CSMD1: variants seen among roughly 807,000 people sequenced by gnomAD.
The protein encoded by CSMD1 is CUB and sushi domain-containing protein 1.
A neutral mutation model predicts 417.5 loss-of-function variants in CSMD1; 213 were observed. That is an observed-to-expected ratio of 0.51 (90% confidence interval 0.46 to 0.57). The LOEUF is 0.57. Ranked by LOEUF, CSMD1 falls within the 20% of genes least tolerant of loss-of-function variation. The pLI is 0.00. For synonymous variants in CSMD1, 2,862 were observed against 1,736.8 expected, an observed-to-expected ratio of 1.65 and a Z score of -16.11; for missense variants, 6,923 against 4,529.7, an observed-to-expected ratio of 1.53 and a Z score of -15.17.
chr8:3,816,407 T>G (rs1462192718), intron 5 of CSMD1, among the ~76,000 whole-genome samples: 1 of 152,182 alleles, frequency 6.6e-6, no homozygotes, highest in Admixed American at 6.5e-5. Flanking sequence ...GCAGACCACA[T>G]TCACATAACT....
At chr8:3,492,352 A>G (rs1232323328) in intron 11 of CSMD1, among the ~76,000 whole-genome samples, 2 of 152,068 alleles carry the variant, frequency 1.3e-5, no homozygotes, top group Non-Finnish European at 2.9e-5. Context: ...CATAGGGCAG[A>G]CCAGCTCATC....
At chr8:4,532,227 C>A (rs1397606486) in intron 2 of CSMD1, among the ~76,000 whole-genome samples, 3 of 151,228 alleles carry the variant, frequency 2.0e-5, no homozygotes, top group African/African-American at 4.9e-5. Flanking sequence ...CATTCACAGT[C>A]ACTCCGGAAG....
intron 1 of CSMD1, among the ~76,000 whole-genome samples, chr8:4,748,394 C>T (rs74735063): frequency 6.6e-6 from 1 of 152,156 alleles, no homozygotes; most frequent in African/African-American, 2.4e-5. Flanking sequence ...CTTTTTAAAT[C>T]TGAAACTAAG....
At chr8:3,494,128 T>G (rs916034932) in intron 10 of CSMD1, among the ~76,000 whole-genome samples, 1 of 152,240 alleles carries the variant, frequency 6.6e-6, no homozygotes, top group Middle Eastern at 3.2e-3. Flanking sequence ...TAAATATTTT[T>G]AAAGTTCTAT....
intron 23 of CSMD1, among the ~76,000 whole-genome samples, chr8:3,320,265 C>T (rs1385446630): frequency 6.6e-6 from 1 of 152,154 alleles, no homozygotes. Flanking sequence ...AAATGGGAGA[C>T]AACTGAGTTC....
intron 18 of CSMD1, among the ~76,000 whole-genome samples, chr8:3,386,188 CA>C (rs34558325): frequency 6.6e-6 from 1 of 152,274 alleles, no homozygotes; most frequent in South Asian, 2.1e-4. Flanking sequence ...CTCATCTGCA[CA>C]AAAAAGGAAC....
intron 39 of CSMD1, among the ~76,000 whole-genome samples, chr8:3,155,359 A>ATTTTGTTTTTTTTTTTTTTTTTTTTTT (rs1819453861): frequency 2.3e-5 from 1 of 43,316 alleles, no homozygotes; most frequent in Non-Finnish European, 4.7e-5. Context: ...CAAGGCTGGG[A>ATTTTGTTTTTTTTTTTTTTTTTTTTTT]TTTTTTTTTT....
intron 1 of CSMD1, among the ~76,000 whole-genome samples, chr8:4,728,392 G>C (rs1298523239): frequency 5.9e-5 from 9 of 151,932 alleles, no homozygotes; most frequent in Admixed American, 5.9e-4. Context: ...GTATTTAGGG[G>C]AGTTTAGTTT....
intron 1 of CSMD1, among the ~76,000 whole-genome samples, chr8:4,663,262 C>T (rs576844930): frequency 1.8e-4 from 28 of 152,290 alleles, no homozygotes; most frequent in African/African-American, 6.3e-4. Flanking sequence ...CCTGTATATA[C>T]ACGATAACAC....
intron 8 of CSMD1, among the ~76,000 whole-genome samples, chr8:3,595,777 T>C (rs1392490455): frequency 6.6e-6 from 1 of 152,206 alleles, no homozygotes; most frequent in Non-Finnish European, 1.5e-5. Flanking sequence ...CAACAGGACT[T>C]TGTCATGCGA....
chr8:4,160,636 G>A, intron 3 of CSMD1, among the ~76,000 whole-genome samples: 1 of 152,298 alleles, frequency 6.6e-6, no homozygotes, highest in Middle Eastern at 3.4e-3. Context: ...CAGACACTCT[G>A]GAAGTCTTTG....
At chr8:3,641,283 T>C (rs963242618) in intron 7 of CSMD1, among the ~76,000 whole-genome samples, 3 of 152,096 alleles carry the variant, frequency 2.0e-5, no homozygotes, top group African/African-American at 7.2e-5. Context: ...GTGGCAGTGA[T>C]TCCCAGCCTC....
At chr8:3,379,517 C>T (rs893122040) in intron 18 of CSMD1, among the ~76,000 whole-genome samples, 2 of 152,144 alleles carry the variant, frequency 1.3e-5, no homozygotes, top group South Asian at 4.1e-4. Flanking sequence ...GCTACAGTAA[C>T]AAAAACAGCA....
chr8:4,023,392 C>G (rs1213554621), intron 4 of CSMD1, among the ~76,000 whole-genome samples: 1 of 152,076 alleles, frequency 6.6e-6, no homozygotes, highest in Non-Finnish European at 1.5e-5. Flanking sequence ...AAATGTGAAA[C>G]AAAAGTAATT....
At chr8:3,356,574 A>G (rs1296775101) in intron 21 of CSMD1, among the ~76,000 whole-genome samples, 6 of 152,120 alleles carry the variant, frequency 3.9e-5, no homozygotes, top group Admixed American at 3.9e-4. Flanking sequence ...ACTCGGGAGG[A>G]TGAGGCAGGA....
chr8:4,370,071 C>A (rs192368905), intron 3 of CSMD1, among the ~76,000 whole-genome samples: 1 of 151,628 alleles, frequency 6.6e-6, no homozygotes, highest in Non-Finnish European at 1.5e-5. Context: ...GTGTGTTTTT[C>A]GGTGGTAGTC....
At chr8:3,624,314 T>G (rs1237017916) in intron 7 of CSMD1, among the ~76,000 whole-genome samples, 1 of 152,210 alleles carries the variant, frequency 6.6e-6, no homozygotes, top group South Asian at 2.1e-4. Flanking sequence ...CCATGGAGAA[T>G]ATAATCCACC....
At chr8:4,796,702 T>C (rs1798000887) in intron 1 of CSMD1, among the ~76,000 whole-genome samples, 1 of 152,166 alleles carries the variant, frequency 6.6e-6, no homozygotes, top group Admixed American at 6.5e-5. Context: ...CATTGACCAT[T>C]TCCCTCCTTG....
intron 2 of CSMD1, among the ~76,000 whole-genome samples, chr8:4,436,276 T>G (rs1173916237): frequency 1.3e-5 from 2 of 152,184 alleles, no homozygotes; most frequent in South Asian, 2.1e-4. Flanking sequence ...AATACCCACC[T>G]TGTATTGTGG....
Sources: gnomAD v4.1 joint callset for allele counts (sites outside exome capture counted in the v4.1 genomes callset) on GRCh38, gnomAD v4.1.1 for gene constraint, MANE v1.5 for transcripts, NCBI Gene and HGNC (gene_info 2026-07-23, HGNC 2026-07-21) for gene names.